Variants in ERBIN observed in about 807,000 individuals in gnomAD.
ERBIN encodes the protein densin-180-like protein.
Under a neutral mutation model 158.4 loss-of-function variants are expected in ERBIN, and 60 were observed. The observed-to-expected ratio is 0.38, with a 90% CI of 0.31 to 0.47. The LOEUF is 0.47. Among genes scored for constraint, ERBIN ranks in the 20% least tolerant of loss-of-function variants. The pLI, the probability that ERBIN is intolerant of heterozygous loss-of-function variation, is 0.99. For synonymous variants in ERBIN, 594 were observed against 557.2 expected, an observed-to-expected ratio of 1.07 and a Z score of -0.93; for missense variants, 1,610 against 1,648.0, an observed-to-expected ratio of 0.98 and a Z score of 0.40.
chr5:65,953,417 T>C (rs1746745337), intron 1 of ERBIN, among the ~76,000 whole-genome samples: 1 of 152,168 alleles, frequency 6.6e-6, no homozygotes, highest in East Asian at 1.9e-4. Context: ...CGCAATAGAC[T>C]CCTTGCTTCA....
intron 1 of ERBIN, among the ~76,000 whole-genome samples, chr5:65,977,713 T>C (rs1580227713): frequency 7.4e-6 from 1 of 134,656 alleles, no homozygotes; most frequent in Admixed American, 7.4e-5. Flanking sequence ...TCCCAGACGA[T>C]GGGCGGCCAG....
intron 1 of ERBIN, among the ~76,000 whole-genome samples, chr5:65,977,905 G>C (rs540142121): frequency 7.3e-5 from 11 of 151,586 alleles, no homozygotes; most frequent in Non-Finnish European, 1.3e-4. Context: ...CTGCAATCCC[G>C]GCACCTCAGG....
rs34966696 is a variant in ERBIN, at chr5:65,998,894, CAAAAAAA to C, written c.307+4049_307+4055del. On this transcript the variant is annotated intron_variant, in intron 4 of 25. Coordinates refer to ENST00000284037, the MANE Select transcript of ERBIN (RefSeq NM_001253697.2). Reference sequence around the variant, plus strand: ...TGGAAAATAGAGCAAGACCCTGTCTCAAAAAAAAAAAAAAAAAAAAAAAAATTATGCC... The same window carrying C: ...TGGAAAATAGAGCAAGACCCTGTCTCAAAAAAAAAAAAAAAAAATTATGCC... 1.4e-4 allele frequency among the ~76,000 whole-genome samples: 10 copies of C among 69,910 alleles called. No individual in the cohort carries two copies. In the East Asian group the frequency reaches 3.0e-3, roughly 21 times the overall value. 45.9% of individuals were successfully genotyped at this position (69,910 alleles called of 152,430 possible).
chr5:66,023,216 G>A, intron 8 of ERBIN, 74 bp from the exon 9 acceptor site: 1 of 1,038,782 alleles, frequency 9.6e-7, no homozygotes, highest in Non-Finnish European at 1.5e-6. Flanking sequence ...AAATTCCCAG[G>A]GCTTCTTTTG....
rs775935776 is a variant in ERBIN at position 66,018,445 on chromosome 5, TA to T, written c.534-2875del. ...TAAGAATAAATTGATATATATAATA[TA>T]ATATATATTATATTATATAATATAT... On this transcript the variant is annotated intron_variant, in intron 7 of 25. Transcript: ENST00000284037. Among the ~76,000 whole-genome samples the T allele has an allele frequency of 5.6e-3, 307 of 54,868 alleles. 20 individuals are homozygous for T. The highest frequency in any genetic ancestry group is 0.014 in the Middle Eastern group (2 of 142). The allele number at this position is 54,868 out of a possible 152,430, so 36.0% of individuals were successfully genotyped here.
intron 21 of ERBIN, among the ~76,000 whole-genome samples, chr5:66,055,683 A>G (rs1383566192): frequency 6.6e-6 from 1 of 152,194 alleles, no homozygotes; most frequent in Admixed American, 6.5e-5. Context: ...ATTTTTCTTT[A>G]AGATTTAACT....
chr5:65,930,569 A>G (rs1051983434), intron 1 of ERBIN, among the ~76,000 whole-genome samples: 7 of 152,196 alleles, frequency 4.6e-5, no homozygotes, highest in African/African-American at 1.7e-4. Flanking sequence ...CGGCCTCTCA[A>G]AGTGCTGGGA....
chr5:65,934,574 T>C (rs1177468178), intron 1 of ERBIN, among the ~76,000 whole-genome samples: 1 of 152,210 alleles, frequency 6.6e-6, no homozygotes, highest in Non-Finnish European at 1.5e-5. Context: ...GCAGGGTTAT[T>C]GTAAAAGTGA....
At chr5:65,928,043 C>T (rs1380043148) in intron 1 of ERBIN, among the ~76,000 whole-genome samples, 1 of 152,038 alleles carries the variant, frequency 6.6e-6, no homozygotes, top group Non-Finnish European at 1.5e-5. Flanking sequence ...TGCTGTCTCA[C>T]GTAATGACCG....
rs1754533177 is a variant in ERBIN at position 66,014,722 on chromosome 5, CTAAG to C, written c.533+5_533+8del. 4 of 1,425,818 alleles carry C rather than the reference CTAAG, an allele frequency of 2.8e-6. No individual in the cohort carries two copies. Among genetic ancestry groups the C allele is most frequent in the East Asian group, 2.5e-5 (1 of 39,602 alleles). 88.3% of individuals were successfully genotyped at this position (1,425,818 alleles called of 1,614,324 possible). ...AGAGAAAACCAGTTAAAAATGTTGC[CTAAG>C]TAAGTAAAGGTGCTATTCTTTAAAA... On this transcript the variant is annotated splice_donor_variant and coding_sequence_variant, in exon 7 of 26. Transcript: ENST00000284037. LOFTEE classifies it high-confidence loss of function.
At chr5:66,035,643 G>A (rs141204878) in intron 14 of ERBIN, among the ~76,000 whole-genome samples, 11 of 152,086 alleles carry the variant, frequency 7.2e-5, no homozygotes, top group Admixed American at 2.0e-4. Flanking sequence ...GGTACACACT[G>A]GTATTTGTAG....
chr5:65,929,657 T>TTTTTC, intron 1 of ERBIN, among the ~76,000 whole-genome samples: 1 of 141,480 alleles, frequency 7.1e-6, no homozygotes, highest in Non-Finnish European at 1.5e-5. Context: ...TTTTTTTTTT[T>TTTTTC]CGAGATGGAG....
chr5:65,944,563 C>T (rs1273811358), intron 1 of ERBIN, among the ~76,000 whole-genome samples: 1 of 152,102 alleles, frequency 6.6e-6, no homozygotes, highest in Non-Finnish European at 1.5e-5. Flanking sequence ...TGCCACCCTA[C>T]CTGGATAATT....
intron 1 of ERBIN, among the ~76,000 whole-genome samples, chr5:65,950,042 G>T (rs976208549): frequency 6.6e-6 from 1 of 152,136 alleles, no homozygotes; most frequent in African/African-American, 2.4e-5. Context: ...GTTTCGCTCT[G>T]TCGCCCAGGC....
chr5:66,048,838 T>G (rs1758736439), intron 19 of ERBIN, 57 bp downstream of exon 19: 1 of 1,046,648 alleles, frequency 9.6e-7, no homozygotes, highest in Non-Finnish European at 1.4e-6. Flanking sequence ...ATTTATAAAT[T>G]TTTTTGAAAT....
At chr5:65,930,745 A>G (rs1169806351) in intron 1 of ERBIN, among the ~76,000 whole-genome samples, 1 of 151,932 alleles carries the variant, frequency 6.6e-6, no homozygotes, top group East Asian at 1.9e-4. Context: ...TTCTTGTTTT[A>G]TTATACTTTT....
chr5:65,961,250 G>A (rs1402568816), intron 1 of ERBIN: 1 of 152,140 alleles, frequency 6.6e-6, no homozygotes, highest in African/African-American at 2.4e-5. Context: ...ACAAGCAAGT[G>A]TTCTGGCACT....
chr5:66,027,312 C>CT (rs11452153), intron 13 of ERBIN, among the ~76,000 whole-genome samples: 8,763 of 152,044 alleles, frequency 0.058, 878 homozygotes, highest in African/African-American at 0.2. Context: ...TCTTAAGTCA[C>CT]GTTTCAGCCT....
At chr5:65,952,492 T>C (rs1379222821) in intron 1 of ERBIN, among the ~76,000 whole-genome samples, 1 of 152,134 alleles carries the variant, frequency 6.6e-6, no homozygotes, top group East Asian at 1.9e-4. Flanking sequence ...GCCAAGTAGC[T>C]GTGATTATAA....
Sources: allele counts gnomAD v4.1 joint callset (sites outside exome capture counted in the v4.1 genomes callset), GRCh38; gene constraint gnomAD v4.1.1; transcripts MANE v1.5; gene names NCBI Gene and HGNC (gene_info 2026-07-23, HGNC 2026-07-21).